Variants in SLC41A3 observed in about 807,000 individuals in gnomAD.
The protein encoded by SLC41A3 is solute carrier family 41 member 3, also known as SLC41A1-like 2.
In SLC41A3, 44 loss-of-function variants were observed where a neutral mutation model predicts 45.4. That is an observed-to-expected ratio of 0.97 (90% CI 0.76 to 1.25). The LOEUF (loss-of-function observed/expected upper bound fraction) is 1.25, where lower values mean the gene tolerates loss of function less well. Ranked by LOEUF, SLC41A3 falls within the 50% of genes most tolerant of loss-of-function variation. SLC41A3 has a pLI of 0.00. For missense variants in SLC41A3, 550 were observed against 600.6 expected, an observed-to-expected ratio of 0.92 and a Z score of 0.88; for synonymous variants, 256 against 252.4, an observed-to-expected ratio of 1.01 and a Z score of -0.13.
At chr3:126,057,303 A>C (rs2107941123) in intron 2 of SLC41A3, among the ~76,000 whole-genome samples, 1 of 152,300 alleles carries the variant, frequency 6.6e-6, no homozygotes, top group Admixed American at 6.5e-5. Flanking sequence ...ATGCTTCCAA[A>C]GTGGCCTCGC....
In SLC41A3 at chr3:126,008,787, G is replaced by C; in HGVS notation, c.1199C>G (p.Ser400Ter). ...CACAAAGGTCTGGCTGTTTATGACT[G>C]ACTGACCCTCCACCAGGTAGATGAT... Reference protein sequence around the residue: ...FYIIYLVEGQSVINSQTFVVL... With the variant: ...FYIIYLVEGQ Residue 400 changes from serine to a stop codon, truncating the protein, a stop_gained, in exon 10 of 11, where the codon TCA becomes TGA. Coordinates refer to ENST00000360370, the MANE Select transcript of SLC41A3 (RefSeq NM_017836.4). LOFTEE classifies it high-confidence loss of function. 1 of 1,614,138 alleles carries C rather than the reference G, an allele frequency of 6.2e-7. No individual in the cohort carries two copies. Among genetic ancestry groups the C allele is most frequent in the Non-Finnish European group, 8.5e-7 (1 of 1,180,000 alleles).
In SLC41A3 at chr3:126,094,430, T is replaced by C. The variant is rs553876995; in HGVS notation, c.-79+6999A>G. ...ACTGAACAATTAGGAAATGGGCACA[T>C]AGCTCCAACATTTTCGCCTTGGAAT... On this transcript the variant is annotated intron_variant, in intron 1 of 9. Transcript: ENST00000508835. Among the ~76,000 whole-genome samples, 11 of 152,338 alleles carry C rather than the reference T, an allele frequency of 7.2e-5. No homozygotes were observed. The East Asian group carries it at 2.1e-3, about 29-fold the overall frequency.
intron 8 of SLC41A3, among the ~76,000 whole-genome samples, chr3:126,014,219 G>A (rs1940030424): frequency 6.6e-6 from 1 of 152,052 alleles, no homozygotes; most frequent in African/African-American, 2.4e-5. Flanking sequence ...TTCAGGCAGA[G>A]GACTGCTGCG....
chr3:126,044,259 C>T (rs1393621859), intron 3 of SLC41A3, among the ~76,000 whole-genome samples: 1 of 152,156 alleles, frequency 6.6e-6, no homozygotes, highest in Admixed American at 6.5e-5. Context: ...AGAACAATTA[C>T]AAATAGTGAA....
intron 1 of SLC41A3, chr3:126,095,369 G>A: frequency 1.9e-6 from 1 of 524,928 alleles, no homozygotes; most frequent in Non-Finnish European, 3.3e-6. Context: ...CCACCCACCG[G>A]AGGACAGATC....
chr3:126,082,799 C>T (rs542673154), intron 1 of SLC41A3, among the ~76,000 whole-genome samples: 3 of 152,334 alleles, frequency 2.0e-5, no homozygotes, highest in South Asian at 2.1e-4. Flanking sequence ...CAAAGGCAGG[C>T]AGGCAGGGCC....
rs993407444 is a variant in SLC41A3 at position 126,012,558 on chromosome 3, G to A, written c.1105+57C>T. 2.7e-5 allele frequency: 43 copies of A among 1,602,442 alleles called. 1 individual carries two copies. The highest frequency in any genetic ancestry group is 1.0e-4 in the South Asian group (9 of 90,376). The stretch of plus-strand genomic sequence containing the variant: ...ACAAACACCAGATTCCAATGACACC[G>A]ATGTTTTCTTGTTTAAAGAAATGGC... On this transcript the variant is annotated intron_variant, in intron 9 of 10. Coordinates refer to ENST00000360370, the MANE Select transcript of SLC41A3 (RefSeq NM_017836.4).
At chr3:126,035,728 G>A (rs376192901) in intron 3 of SLC41A3, among the ~76,000 whole-genome samples, 3 of 152,148 alleles carry the variant, frequency 2.0e-5, no homozygotes, top group Non-Finnish European at 2.9e-5. Flanking sequence ...CCAGTAAACC[G>A]GCTTAGCAGG....
At chr3:126,047,875 G>A (rs1035302941) in intron 3 of SLC41A3, among the ~76,000 whole-genome samples, 22 of 152,070 alleles carry the variant, frequency 1.4e-4, no homozygotes, top group African/African-American at 5.1e-4. Flanking sequence ...GGTGACAAAA[G>A]CAAAAATAGA....
chr3:126,064,823 C>T (rs888638413), intron 2 of SLC41A3, among the ~76,000 whole-genome samples: 1 of 152,230 alleles, frequency 6.6e-6, no homozygotes, highest in African/African-American at 2.4e-5. Flanking sequence ...TTTCTGGAGA[C>T]TGCTGCCATT....
intron 10 of SLC41A3, 31 bp from the exon 11 acceptor site, chr3:126,007,256 G>A (rs778448145): frequency 1.2e-6 from 2 of 1,606,632 alleles, no homozygotes; most frequent in Admixed American, 1.7e-5. Context: ...CACAAAAGAA[G>A]ACCAAGTCAG....
At position 126,034,458 on chromosome 3, in the gene SLC41A3, AAC is replaced by A. The variant is rs1042507386; in HGVS notation, c.382-782_382-781del. Among the ~76,000 whole-genome samples, 6 of 152,264 alleles carry A rather than the reference AAC, an allele frequency of 3.9e-5. No individual in the cohort carries two copies. The East Asian group carries it at 7.7e-4, about 19-fold the overall frequency. On this transcript the variant is annotated intron_variant, in intron 3 of 10. Transcript: ENST00000360370. Reference sequence around the variant, plus strand: ...AAAATATAAAAATGTGCCTACTGCTAACACACTTGATAATTCATTTTCTTTTC... The same window carrying A: ...AAAATATAAAAATGTGCCTACTGCTAACACTTGATAATTCATTTTCTTTTC...
chr3:126,030,365 A>G (rs887203594), intron 4 of SLC41A3, among the ~76,000 whole-genome samples: 1 of 151,368 alleles, frequency 6.6e-6, no homozygotes, highest in Non-Finnish European at 1.5e-5. Flanking sequence ...AGAAAAATGC[A>G]CAAGGGTTAT....
At chr3:126,009,993 C>A (rs954134131) in intron 9 of SLC41A3, among the ~76,000 whole-genome samples, 4 of 152,196 alleles carry the variant, frequency 2.6e-5, no homozygotes, top group African/African-American at 9.7e-5. Context: ...CAACTGAAAG[C>A]CCTAAACATT....
intron 1 of SLC41A3, among the ~76,000 whole-genome samples, chr3:126,083,576 G>A (rs1459107190): frequency 3.3e-5 from 5 of 152,102 alleles, no homozygotes; most frequent in Admixed American, 1.3e-4. Flanking sequence ...GCCTGTGGTA[G>A]AGGCTGGCGG....
chr3:126,049,922 G>A (rs764355508), intron 3 of SLC41A3, among the ~76,000 whole-genome samples: 6 of 152,104 alleles, frequency 3.9e-5, no homozygotes, highest in Admixed American at 6.5e-5. Flanking sequence ...TTCCTCTGTC[G>A]TCAAAGCCAG....
intron 8 of SLC41A3, 29 bp downstream of exon 8, chr3:126,015,465 G>T: frequency 6.2e-7 from 1 of 1,612,132 alleles, no homozygotes; most frequent in South Asian, 1.1e-5. Context: ...CCAACCCAGG[G>T]ACCACATGGG....
At chr3:126,008,682 G>C (rs1478568065) in intron 10 of SLC41A3, 50 bp downstream of exon 10, 3 of 1,597,376 alleles carry the variant, frequency 1.9e-6, no homozygotes, top group Non-Finnish European at 1.7e-6. Context: ...GATCAAGCCT[G>C]CTGGCTGACT....
intron 5 of SLC41A3, chr3:126,023,395 A>T: frequency 6.9e-6 from 1 of 145,642 alleles, no homozygotes; most frequent in Non-Finnish European, 1.5e-5. Flanking sequence ...GAGATTGATT[A>T]GGGACTAAGC....
Sources: gnomAD v4.1 joint callset for allele counts (sites outside exome capture counted in the v4.1 genomes callset) on GRCh38, gnomAD v4.1.1 for gene constraint, MANE v1.5 for transcripts, NCBI Gene and HGNC (gene_info 2026-07-23, HGNC 2026-07-21) for gene names.